The following ANKRD13D variants were observed in gnomAD, a reference collection of about 807,000 sequenced individuals.
The protein encoded by ANKRD13D is ankyrin repeat domain 13D, also known as ankyrin repeat domain-containing protein 13D.
A neutral mutation model predicts 68.8 loss-of-function variants in ANKRD13D; 24 were observed. The ratio of observed to expected loss-of-function variants is 0.35; its 90% confidence interval spans 0.25 to 0.49. The LOEUF (loss-of-function observed/expected upper bound fraction) is 0.49. ANKRD13D is among the 20% of genes least tolerant of loss of function. The pLI, the probability that ANKRD13D is intolerant of heterozygous loss-of-function variation, is 0.99. For synonymous variants in ANKRD13D, 331 were observed against 336.1 expected (o/e 0.98, Z 0.16); for missense variants, 735 against 832.1 (o/e 0.88, Z 1.44).
At chr11:67,291,576 C>G in intron 4 of ANKRD13D, 27 bp from the exon 5 acceptor site, 1 of 1,613,770 alleles carries the variant, frequency 6.2e-7, no homozygotes, top group Non-Finnish European at 8.5e-7. Flanking sequence ...TTGGAAAGAC[C>G]CCCAGTGACC....
In ANKRD13D at chr11:67,301,188, G is replaced by A; in HGVS notation, c.1231+41G>A. On this transcript the variant is annotated intron_variant, in intron 11 of 14. Coordinates refer to ENST00000511455, the MANE Select transcript of ANKRD13D (RefSeq NM_207354.3). This position sits in a 1 kb window ranked among gnomAD's most constrained non-coding sequence, Gnocchi z 4.5. ...CAGGCAGCGGGAGGACCTCAGGCAT[G>A]GCACCCTCCCTCAGCGCAGTCCCTG... 2 of 1,606,196 alleles carry A rather than the reference G, an allele frequency of 1.2e-6. No homozygotes were observed. The highest frequency in any genetic ancestry group is 1.7e-6 in the Non-Finnish European group (2 of 1,175,580).
intron 3 of ANKRD13D, chr11:67,291,208 T>C (rs775408495): frequency 1.2e-4 from 52 of 443,576 alleles, no homozygotes; most frequent in Middle Eastern, 1.3e-3. Context: ...AGTACAAAAA[T>C]TAGCTGGGAG....
At chr11:67,298,995 A>G (rs1860867970) in intron 6 of ANKRD13D, 63 bp from the exon 7 acceptor site, 1 of 1,581,386 alleles carries the variant, frequency 6.3e-7, no homozygotes, top group Non-Finnish European at 8.7e-7. Context: ...GGCTTTGGAA[A>G]GGAAGGCTTT....
At chr11:67,289,756 C>G (rs1229007628) in intron 1 of ANKRD13D, 6 of 1,418,870 alleles carry the variant, frequency 4.2e-6, no homozygotes, top group Non-Finnish European at 3.7e-6. Context: ...GGGCCTTGCC[C>G]TGCTCGCCCG....
intron 6 of ANKRD13D, among the ~76,000 whole-genome samples, chr11:67,297,266 G>A (rs150418624): frequency 1.4e-3 from 212 of 152,268 alleles, no homozygotes; most frequent in African/African-American, 5.0e-3. Context: ...CTGGAGTGCA[G>A]TGGTGTGATA....
At position 67,299,993 on chromosome 11, in the gene ANKRD13D, G is replaced by A; in HGVS notation, c.943G>A (p.Ala315Thr). ...MAQQHSSHTGAPVQQAASPTN... is the reference protein window; with the variant it reads ...MAQQHSSHTGTPVQQAASPTN... ...TGAGTCCGCCCTGGGACCCACGCAG[G>A]CCCCCGTGCAGCAGGCAGCCAGCCC... The change falls in exon 10 of 15, where the codon GCC (alanine) becomes ACC (threonine). Residue 315 changes from alanine to threonine, a missense_variant and splice_region_variant. Transcript: ENST00000511455. This position sits in a 1 kb window ranked among gnomAD's most constrained non-coding sequence, Gnocchi z 6.2. 1 of 1,612,060 alleles carries A rather than the reference G, an allele frequency of 6.2e-7. No homozygotes were observed. The highest frequency in any genetic ancestry group is 8.5e-7 in the Non-Finnish European group (1 of 1,178,870).
At position 67,300,240 on chromosome 11, in the gene ANKRD13D, C is replaced by T. The variant is rs188878334; in HGVS notation, c.1073+117C>T. The T allele has an allele frequency of 3.5e-6, 5 of 1,426,374 alleles. No homozygotes were observed. The African/African-American group carries it at 7.1e-5, about 20-fold the overall frequency. The allele number at this position is 1,426,374 out of a possible 1,614,324, so 88.4% of individuals were successfully genotyped here. ...TCGGCTGGCTTCTCTCTGGACTCCA[C>T]TCCTGGAGGGCAGGAGTCATGTCTG... On this transcript the variant is annotated intron_variant, in intron 10 of 14. Coordinates refer to ENST00000511455, the MANE Select transcript of ANKRD13D (RefSeq NM_207354.3). This position sits in a 1 kb window ranked among gnomAD's most constrained non-coding sequence, Gnocchi z 4.3.
intron 3 of ANKRD13D, chr11:67,291,038 G>A (rs907226179): frequency 3.9e-5 from 8 of 207,408 alleles, no homozygotes; most frequent in East Asian, 2.9e-4. Flanking sequence ...GTGGTTGGGC[G>A]TAGCTGAGCC....
chr11:67,297,692 A>AT (rs1202627632), intron 6 of ANKRD13D, among the ~76,000 whole-genome samples: 1 of 150,604 alleles, frequency 6.6e-6, no homozygotes, highest in Non-Finnish European at 1.5e-5. Context: ...CGCCCGGCTA[A>AT]TTTTTTGTAT....
chr11:67,301,887 A>T lies in ANKRD13D; in HGVS notation c.1604+64A>T, dbSNP rs978604596. The stretch of plus-strand genomic sequence containing the variant: ...CAGCCCTGGCTTGGCGGGGAGGGGG[A>T]TAGCAGGAAGGTGCTAGGACCCCAG... On this transcript the variant is annotated intron_variant, in intron 14 of 14. Transcript: ENST00000511455. This position sits in a 1 kb window ranked among gnomAD's most constrained non-coding sequence, Gnocchi z 4.5. 1 of 1,501,652 alleles carries T rather than the reference A, an allele frequency of 6.7e-7. No homozygotes were observed. Among genetic ancestry groups the T allele is most frequent in the Non-Finnish European group, 8.9e-7 (1 of 1,117,688 alleles). The allele number at this position is 1,501,652 out of a possible 1,614,324, so 93.0% of individuals were successfully genotyped here.
rs1468485105 is a variant in ANKRD13D at position 67,301,471 on chromosome 11, C to T, written c.1349-17C>T. On this transcript the variant is annotated splice_polypyrimidine_tract_variant and intron_variant, in intron 12 of 14. Transcript: ENST00000511455. The surrounding 1 kb of genome is among the most constrained non-coding windows in gnomAD (Gnocchi z 4.5). ...AAGCCCCGCGGGTTGAGCGTGGCCC[C>T]TCTGCCACCTGCCTAGGGAACCCTT... 6.2e-7 allele frequency: 1 copy of T among 1,610,850 alleles called. No individual in the cohort carries two copies. The highest frequency in any genetic ancestry group is 8.5e-7 in the Non-Finnish European group (1 of 1,178,374).
chr11:67,291,385 A>T, intron 3 of ANKRD13D, 91 bp from the exon 4 acceptor site: 9 of 1,068,224 alleles, frequency 8.4e-6, no homozygotes, highest in Non-Finnish European at 1.2e-5. Flanking sequence ...AGACCTGATG[A>T]AGGGCTGGGC....
chr11:67,290,381 C>G lies in ANKRD13D; in HGVS notation c.286C>G (p.Arg96Gly). 1 of 1,589,420 alleles carries G rather than the reference C, an allele frequency of 6.3e-7. No homozygotes were observed. Among genetic ancestry groups the G allele is most frequent in the Non-Finnish European group, 8.6e-7 (1 of 1,168,924 alleles). Residue 96 changes from arginine to glycine, a missense_variant, in exon 3 of 15, where the codon CGG becomes GGG. Transcript: ENST00000511455. ...PEMVQLVLQY[R>G]DYQRATQRLA... The stretch of plus-strand genomic sequence containing the variant: ...GATGGTGCAGCTGGTGCTCCAGTAT[C>G]GGGACTACCAGAGGGCCACGCAGAG...
At chr11:67,291,960 GC>G (rs1860575500) in intron 5 of ANKRD13D, 30 bp from the exon 6 acceptor site, 2 of 1,548,434 alleles carry the variant, frequency 1.3e-6, no homozygotes, top group Non-Finnish European at 8.7e-7. Flanking sequence ...ACTGATTTGC[GC>G]CCCCTCTGTC....
rs1156512170 is a variant in ANKRD13D at position 67,299,928 on chromosome 11, C to T, written c.942+40C>T. ...GGCCGAGACAGGGCTGGCGGGGGGC[C>T]GAGCCTGGGCGGGAGGGCACCCTCT... is the stretch of plus-strand genomic sequence containing the variant. On this transcript the variant is annotated intron_variant, in intron 9 of 14. Transcript: ENST00000511455. The surrounding 1 kb of genome is among the most constrained non-coding windows in gnomAD (Gnocchi z 6.2). The T allele has an allele frequency of 3.2e-6, 5 of 1,564,910 alleles. No homozygotes were observed. The highest frequency in any genetic ancestry group is 2.4e-5 in the South Asian group (2 of 83,376).
Position 67,289,467 on chromosome 11 carries a change from G to A in ANKRD13D, c.7G>A (p.Gly3Ser), listed in dbSNP as rs1229128100. The A allele has an allele frequency of 1.0e-5, 15 of 1,493,640 alleles. No homozygotes were observed. The South Asian group carries it at 1.1e-4, about 11-fold the overall frequency. The allele number at this position is 1,493,640 out of a possible 1,614,324, so 92.5% of individuals were successfully genotyped here. Reference sequence around the variant, plus strand: ...TGCGGCGCTGAGGCCCAGCATGGCCGGCCCGGGCCCCACCTTCCCGCTGCA... The same window carrying A: ...TGCGGCGCTGAGGCCCAGCATGGCCAGCCCGGGCCCCACCTTCCCGCTGCA... MA[G>S]PGPTFPLHRL... Residue 3 changes from glycine (G) to serine (S), a missense_variant, in exon 1 of 15, where the codon GGC (glycine) becomes AGC (serine). Physicochemically the swap from Gly to Ser is moderately conservative, Grantham distance 56 (BLOSUM62 0). Coordinates refer to ENST00000511455, the MANE Select transcript of ANKRD13D (RefSeq NM_207354.3).
chr11:67,301,444 C>T lies in ANKRD13D; in HGVS notation c.1349-44C>T. The T allele has an allele frequency of 6.2e-7, 1 of 1,606,974 alleles. No individual in the cohort carries two copies. ...GGGAGCCTGCACAGCTTTCTGGTCA[C>T]CAAGCCCCGCGGGTTGAGCGTGGCC... is the stretch of plus-strand genomic sequence containing the variant. On this transcript the variant is annotated intron_variant, in intron 12 of 14. Transcript: ENST00000511455. The surrounding 1 kb of genome is among the most constrained non-coding windows in gnomAD (Gnocchi z 4.5).
rs575807581 is a variant in ANKRD13D at position 67,301,767 on chromosome 11, C to T, written c.1548C>T (p.Pro516=). Residue 516 remains proline (P), a synonymous_variant, in exon 14 of 15, where the codon CCC becomes CCT. Transcript: ENST00000511455. This position sits in a 1 kb window ranked among gnomAD's most constrained non-coding sequence, Gnocchi z 4.5. The part of the protein sequence containing the change: ...TVWEALTNTR[P]GARPPPQATV... ...GGGAAGCCCTGACCAACACCCGGCC[C>T]GGTGCCCGCCCTCCTCCCCAGGCCA... 124 of 1,610,220 alleles carry T rather than the reference C, an allele frequency of 7.7e-5. 1 individual carries two copies. The highest frequency in any genetic ancestry group is 4.9e-4 in the Admixed American group (29 of 59,534).
In ANKRD13D at chr11:67,300,005, C is replaced by T. The variant is rs1398341420; in HGVS notation, c.955C>T (p.Gln319Ter). 1.2e-6 allele frequency: 2 copies of T among 1,612,890 alleles called. No homozygotes were observed. ...GGGACCCACGCAGGCCCCCGTGCAGCAGGCAGCCAGCCCCACCAACCCCAC... is the reference window on the plus strand; with the variant it reads ...GGGACCCACGCAGGCCCCCGTGCAGTAGGCAGCCAGCCCCACCAACCCCAC... ...HSSHTGAPVQ[Q>*]AASPTNPTAI... The change falls in exon 10 of 15, where the codon CAG becomes TAG. Residue 319 changes from glutamine (Q) to a stop codon, truncating the protein, a stop_gained. Coordinates refer to ENST00000511455, the MANE Select transcript of ANKRD13D (RefSeq NM_207354.3). LOFTEE classifies it high-confidence loss of function. This position sits in a 1 kb window ranked among gnomAD's most constrained non-coding sequence, Gnocchi z 4.3.
Sources: gnomAD v4.1 joint callset for allele counts (sites outside exome capture counted in the v4.1 genomes callset) on GRCh38, gnomAD v4.1.1 for gene constraint, Gnocchi (gnomAD v3.1) non-coding constraint, MANE v1.5 for transcripts, NCBI Gene and HGNC (gene_info 2026-07-23, HGNC 2026-07-21) for gene names.